The following RB1CC1 variants were observed in gnomAD, a reference collection of about 807,000 sequenced individuals.
The protein encoded by RB1CC1 is RB1-inducible coiled-coil protein 1.
In RB1CC1, 46 loss-of-function variants were observed where a neutral mutation model predicts 177.5. The ratio of observed to expected loss-of-function variants is 0.26; its 90% CI spans 0.20 to 0.33. The LOEUF (loss-of-function observed/expected upper bound fraction) is 0.33. Ranked by LOEUF, RB1CC1 falls within the 10% of genes least tolerant of loss-of-function variation. The pLI is 1.00. For synonymous variants in RB1CC1, 666 were observed against 613.6 expected, an observed-to-expected ratio of 1.09 and a Z score of -1.26; for missense variants, 1,703 against 1,816.3, an observed-to-expected ratio of 0.94 and a Z score of 1.13.
rs760545356 is a variant in RB1CC1 at position 52,660,914 on chromosome 8, A to C, written c.1627+12T>G. On this transcript the variant is annotated intron_variant, in intron 11 of 23. Transcript: ENST00000025008. ...TTTACAAAAGTAATTAAAATTATTAATGAACACTTACTAAATAATTTCCCA... is the reference window on the plus strand; with the variant it reads ...TTTACAAAAGTAATTAAAATTATTACTGAACACTTACTAAATAATTTCCCA... 6 of 1,591,232 alleles carry C rather than the reference A, an allele frequency of 3.8e-6. No individual in the cohort carries two copies. The African/African-American group carries it at 6.8e-5, about 18-fold the overall frequency.
Position 52,642,967 on chromosome 8 carries a change from T to C in RB1CC1, c.3988-155A>G, listed in dbSNP as rs539439291. 2.5e-5 allele frequency: 22 copies of C among 866,822 alleles called. No individual in the cohort carries two copies. The African/African-American group carries it at 3.2e-4, about 12-fold the overall frequency. The allele number at this position is 866,822 out of a possible 1,614,324, so 53.7% of individuals were successfully genotyped here. A position where few individuals can be genotyped will look rare whatever the true frequency, so the allele number is the denominator to read the frequency against. ...ATGTTTTAAAAATGAAAATGTAACATACTGTGGCAAAGGTTCTACTTTCTT... is the reference window on the plus strand; with the variant it reads ...ATGTTTTAAAAATGAAAATGTAACACACTGTGGCAAAGGTTCTACTTTCTT... On this transcript the variant is annotated intron_variant, in intron 16 of 23. Coordinates refer to ENST00000025008, the MANE Select transcript of RB1CC1 (RefSeq NM_014781.5).
Position 52,645,883 on chromosome 8 carries a change from C to A in RB1CC1, c.3822-16G>T. 6.4e-7 allele frequency: 1 copy of A among 1,572,972 alleles called. No homozygotes were observed. Among genetic ancestry groups the A allele is most frequent in the South Asian group, 1.2e-5 (1 of 83,790 alleles). On this transcript the variant is annotated splice_polypyrimidine_tract_variant and intron_variant, in intron 15 of 23. Coordinates refer to ENST00000025008, the MANE Select transcript of RB1CC1 (RefSeq NM_014781.5). ...AATGGCAGGACTTACAAATTAAATA[C>A]AGCATTAAATTAAAAAAAAAATTAC...
chr8:52,654,698 C>T (rs528529376), intron 15 of RB1CC1, among the ~76,000 whole-genome samples: 1 of 152,296 alleles, frequency 6.6e-6, no homozygotes, highest in African/African-American at 2.4e-5. Context: ...CCTACGCTGT[C>T]CAGCTGTATC....
chr8:52,642,836 A>C, intron 16 of RB1CC1, 24 bp from the exon 17 acceptor site: 1 of 1,501,130 alleles, frequency 6.7e-7, no homozygotes, highest in Non-Finnish European at 8.8e-7. Context: ...ATAATTATTT[A>C]AATTTATCTA....
chr8:52,624,872 T>A, intron 22 of RB1CC1, 85 bp from the exon 23 acceptor site: 1 of 1,028,320 alleles, frequency 9.7e-7, no homozygotes, highest in Non-Finnish European at 1.4e-6. Flanking sequence ...TAAAACAGAC[T>A]AAAAAAGCTC....
Position 52,660,953 on chromosome 8 carries a change from T to C in RB1CC1, c.1600A>G (p.Lys534Glu). Residue 534 changes from lysine (K) to glutamate (E), a missense_variant, in exon 11 of 24, where the codon AAA (lysine) becomes GAA (glutamate). By Grantham distance (56) the Lys-to-Glu change is moderately conservative. This residue lies in a region of RB1CC1 where 1,169 missense variants were observed against 1,184.7 expected (regional missense o/e 0.99). Transcript: ENST00000025008. ...AATAATTTCCCAAAGGATTCCCTTT[T>C]TGATTTTTCTGCTTCATATAATCTC... ...GKRLYEAEKS[K>E]RESFGKLFRK... 2 of 1,613,054 alleles carry C rather than the reference T, an allele frequency of 1.2e-6. No individual in the cohort carries two copies. The highest frequency in any genetic ancestry group is 1.7e-6 in the Non-Finnish European group (2 of 1,179,382).
At position 52,642,351 on chromosome 8, in the gene RB1CC1, T is replaced by G. The variant is rs1029529060; in HGVS notation, c.4337A>C (p.Gln1446Pro). The G allele has an allele frequency of 6.2e-7, 1 of 1,609,022 alleles. No homozygotes were observed. Among genetic ancestry groups the G allele is most frequent in the African/African-American group, 1.3e-5 (1 of 74,954 alleles). The stretch of plus-strand genomic sequence containing the variant: ...AACAGTTGAAAACAGCCATACTTAC[T>G]GTACAGACATCATGCTTGTCTCCAT... ...SAMETSMMSV[Q>P]ENIHMLSEEK... The change falls in exon 18 of 24, where the codon CAA (glutamine) becomes CCA (proline). Residue 1446 changes from glutamine (Q) to proline (P), a missense_variant and splice_region_variant. Gln to Pro is a moderately conservative substitution (Grantham distance 76). This residue lies in a region of RB1CC1 where 1,169 missense variants were observed against 1,184.7 expected (regional missense o/e 0.99). Coordinates refer to ENST00000025008, the MANE Select transcript of RB1CC1 (RefSeq NM_014781.5).
intron 20 of RB1CC1, among the ~76,000 whole-genome samples, chr8:52,633,538 T>C (rs1590920389): frequency 6.6e-6 from 1 of 152,306 alleles, no homozygotes; most frequent in Non-Finnish European, 1.5e-5. Flanking sequence ...CTGTTCAAGT[T>C]AAGGTATAAA....
intron 1 of RB1CC1, among the ~76,000 whole-genome samples, chr8:52,700,263 G>A (rs757156839): frequency 6.6e-6 from 1 of 151,994 alleles, no homozygotes; most frequent in East Asian, 1.9e-4. Context: ...AACATGCTGG[G>A]TGCATTGGCA....
Position 52,622,602 on chromosome 8 carries a change from A to G in RB1CC1, c.*1180T>C, listed in dbSNP as rs1275763622. The stretch of plus-strand genomic sequence containing the variant: ...ATGAAGAAATTAAATATTTTCTGAA[A>G]AAGAATTATTTTATTATTGTTCTCT... On this transcript the variant is annotated 3_prime_UTR_variant, in exon 24 of 24. Transcript: ENST00000025008. The G allele has an allele frequency of 2.0e-5, 3 of 152,040 alleles. No individual in the cohort carries two copies. Among genetic ancestry groups the G allele is most frequent in the Non-Finnish European group, 4.4e-5 (3 of 67,586 alleles). 9.4% of individuals were successfully genotyped at this position (152,040 alleles called of 1,614,324 possible).
At chr8:52,702,291 T>C (rs1042804994) in intron 1 of RB1CC1, among the ~76,000 whole-genome samples, 1 of 152,210 alleles carries the variant, frequency 6.6e-6, no homozygotes, top group Non-Finnish European at 1.5e-5. Flanking sequence ...TAAGTTCTCT[T>C]ATTAAAAGAA....
At chr8:52,628,811 T>A (rs1348818744) in intron 21 of RB1CC1, among the ~76,000 whole-genome samples, 1 of 152,222 alleles carries the variant, frequency 6.6e-6, no homozygotes, top group African/African-American at 2.4e-5. Context: ...TGAAAATCAA[T>A]CTCATATTTT....
At chr8:52,697,935 A>G (rs1056271704) in intron 1 of RB1CC1, among the ~76,000 whole-genome samples, 2 of 152,232 alleles carry the variant, frequency 1.3e-5, no homozygotes, top group Non-Finnish European at 2.9e-5. Context: ...AATTTTAGGG[A>G]AAAAATTTGA....
intron 1 of RB1CC1, among the ~76,000 whole-genome samples, chr8:52,709,612 G>A (rs1023932764): frequency 6.6e-6 from 1 of 152,172 alleles, no homozygotes; most frequent in East Asian, 1.9e-4. Context: ...GGTAGTGCAT[G>A]CCTGTAATCC....
At chr8:52,689,845 A>T (rs932016925) in intron 1 of RB1CC1, among the ~76,000 whole-genome samples, 2 of 152,084 alleles carry the variant, frequency 1.3e-5, no homozygotes, top group African/African-American at 4.8e-5. Context: ...ACTCAAGAGA[A>T]CTGCTTGAAC....
intron 5 of RB1CC1, among the ~76,000 whole-genome samples, chr8:52,679,857 T>A (rs1853533210): frequency 6.6e-6 from 1 of 152,104 alleles, no homozygotes; most frequent in Non-Finnish European, 1.5e-5. Flanking sequence ...CTATTTATGT[T>A]ACATACTTGC....
intron 5 of RB1CC1, among the ~76,000 whole-genome samples, chr8:52,682,669 A>C (rs1853867818): frequency 6.6e-6 from 1 of 152,076 alleles, no homozygotes; most frequent in African/African-American, 2.4e-5. Flanking sequence ...TACTTTCTCT[A>C]TCAAAATGTA....
At chr8:52,658,579 G>GAAAAAAAAAAAAAAAAAAAA in intron 13 of RB1CC1, among the ~76,000 whole-genome samples, 1 of 98,798 alleles carries the variant, frequency 1.0e-5, no homozygotes, top group Non-Finnish European at 1.9e-5. Context: ...TCCGTCTCAA[G>GAAAAAAAAAAAAAAAAAAAA]AAAAAAAAAA....
At chr8:52,666,072 G>A (rs909086331) in intron 8 of RB1CC1, among the ~76,000 whole-genome samples, 2 of 152,050 alleles carry the variant, frequency 1.3e-5, no homozygotes, top group African/African-American at 2.4e-5. Context: ...AGTAATTTAC[G>A]ATGGTAACTG....
Sources: allele counts gnomAD v4.1 joint callset (sites outside exome capture counted in the v4.1 genomes callset), GRCh38; gene constraint gnomAD v4.1.1; regional missense constraint gnomAD v4.1.1; transcripts MANE v1.5; gene names NCBI Gene and HGNC (gene_info 2026-07-23, HGNC 2026-07-21).